The following NME2 variants were observed in gnomAD, a reference collection of about 807,000 sequenced individuals.
The protein encoded by NME2 is NME/NM23 nucleoside diphosphate kinase 2.
In NME2, 18 loss-of-function variants were observed where a neutral mutation model predicts 17.8. The observed-to-expected ratio is 1.01, with a 90% confidence interval of 0.70 to 1.50. NME2 has a LOEUF of 1.50. Among genes scored for constraint, NME2 ranks in the 40% most tolerant of loss-of-function variants. NME2 has a pLI of 0.00. For missense variants in NME2, 161 were observed against 195.6 expected, an observed-to-expected ratio of 0.82 and a Z score of 1.05; for synonymous variants, 74 against 71.4, an observed-to-expected ratio of 1.04 and a Z score of -0.19.
chr17:51,170,585 T>C (rs944557583), intron 4 of NME2, among the ~76,000 whole-genome samples: 80 of 151,596 alleles, frequency 5.3e-4, no homozygotes, highest in African/African-American at 1.8e-3. Flanking sequence ...GTCAGGAGTT[T>C]GAGACCAGCC....
rs764372486 is a variant in NME2, at chr17:51,169,936, G to C, written c.229-1G>C. ...TATAAATCCATTTTCACACTTTCGA[G>C]GTCTGGGAGGGGCTGAACGTGGTGA... On this transcript the variant is annotated splice_acceptor_variant, in intron 3 of 4. Transcript: ENST00000512737. LOFTEE classifies it high-confidence loss of function. 6.2e-7 allele frequency: 1 copy of C among 1,613,482 alleles called. No homozygotes were observed. The highest frequency in any genetic ancestry group is 1.3e-5 in the African/African-American group (1 of 74,982).
chr17:51,171,347 A>G (rs2050064774), intron 4 of NME2, 140 bp from the exon 5 acceptor site: 1 of 617,362 alleles, frequency 1.6e-6, no homozygotes, highest in Middle Eastern at 3.8e-4. Context: ...TTAAAAGGAA[A>G]TGCTTTGGGG....
intron 2 of NME2, chr17:51,167,371 A>G (rs2049969279): frequency 7.6e-6 from 2 of 261,612 alleles, no homozygotes; most frequent in African/African-American, 2.4e-5. Flanking sequence ...CTCCTCCTTT[A>G]GCATAGGGTA....
At position 51,169,918 on chromosome 17, in the gene NME2, C is replaced by G; in HGVS notation, c.229-19C>G. The G allele has an allele frequency of 6.2e-7, 1 of 1,612,402 alleles. No individual in the cohort carries two copies. The highest frequency in any genetic ancestry group is 8.5e-7 in the Non-Finnish European group (1 of 1,179,070). On this transcript the variant is annotated intron_variant, in intron 3 of 4. Transcript: ENST00000512737. ...CTGAGTGGCAGGTCTGATTATAAAT[C>G]CATTTTCACACTTTCGAGGTCTGGG...
At chr17:51,168,093 GTA>G in intron 2 of NME2, 147 bp from the exon 3 acceptor site, 1 of 582,142 alleles carries the variant, frequency 1.7e-6, no homozygotes, top group Non-Finnish European at 3.0e-6. Flanking sequence ...TTATGTGTGT[GTA>G]TATGTGTGTA....
intron 2 of NME2, chr17:51,168,035 T>C (rs1769706523): frequency 2.9e-6 from 1 of 341,222 alleles, no homozygotes; most frequent in Admixed American, 4.7e-5. Context: ...ACAGTCTTTC[T>C]GTTAAAATGG....
intron 4 of NME2, among the ~76,000 whole-genome samples, chr17:51,170,916 G>A (rs1198739078): frequency 6.6e-6 from 1 of 152,156 alleles, no homozygotes; most frequent in Non-Finnish European, 1.5e-5. Context: ...GTGTGGAGAA[G>A]GGAAGCATTC....
chr17:51,166,966 C>T lies in NME2; in HGVS notation c.126+10C>T. The T allele has an allele frequency of 6.2e-7, 1 of 1,612,660 alleles. No individual in the cohort carries two copies. The highest frequency in any genetic ancestry group is 8.5e-7 in the Non-Finnish European group (1 of 1,179,416). On this transcript the variant is annotated intron_variant, in intron 2 of 4. Transcript: ENST00000512737. ...CATGAAGTTCCTCCGGGTAACTCGC[C>T]CCCGTCTCCCCTTCCCCGCTGCAGC...
At chr17:51,167,432 C>T (rs773888148) in intron 2 of NME2, 16 of 186,758 alleles carry the variant, frequency 8.6e-5, no homozygotes, top group Non-Finnish European at 1.6e-4. Flanking sequence ...AATCCCTACA[C>T]TTACGGGTAA....
rs2050072271 is a variant in NME2 at position 51,171,646 on chromosome 17, T to C, written c.*42T>C. On this transcript the variant is annotated 3_prime_UTR_variant, in exon 5 of 5. Transcript: ENST00000512737. ...CAGTCTCCTTCAGCACGGCGTGGTGTGTCCCTGGACACAGCTCTTCATTCC... is the reference window on the plus strand; with the variant it reads ...CAGTCTCCTTCAGCACGGCGTGGTGCGTCCCTGGACACAGCTCTTCATTCC... 3 of 1,463,278 alleles carry C rather than the reference T, an allele frequency of 2.1e-6. No individual in the cohort carries two copies. Among genetic ancestry groups the C allele is most frequent in the Non-Finnish European group, 2.9e-6 (3 of 1,045,330 alleles). The allele number at this position is 1,463,278 out of a possible 1,614,324, so 90.6% of individuals were successfully genotyped here.
chr17:51,171,631 C>T lies in NME2; in HGVS notation c.*27C>T, dbSNP rs1804018. On this transcript the variant is annotated 3_prime_UTR_variant, in exon 5 of 5. Coordinates refer to ENST00000512737, the MANE Select transcript of NME2 (RefSeq NM_002512.4). ...AGGTGGACACAACAGCAGTCTCCTT[C>T]AGCACGGCGTGGTGTGTCCCTGGAC... The T allele has an allele frequency of 6.4e-7, 1 of 1,556,936 alleles. No individual in the cohort carries two copies. The highest frequency in any genetic ancestry group is 8.9e-7 in the Non-Finnish European group (1 of 1,129,058).
intron 1 of NME2, 96 bp from the exon 2 acceptor site, chr17:51,166,731 C>A: frequency 1.6e-6 from 2 of 1,286,890 alleles, no homozygotes; most frequent in Non-Finnish European, 9.9e-7. Flanking sequence ...CGCGGCCGCG[C>A]GTGGTGGGGG....
Position 51,166,481 on chromosome 17 carries a change from G to C in NME2, c.-21G>C. On this transcript the variant is annotated 5_prime_UTR_variant, in exon 1 of 5. Transcript: ENST00000512737. ...TCTCCCAGCGCAGCGCCGCCGCCCGGCCCCTCCAGCTTCCCGGTAAGGCGG... is the reference window on the plus strand; with the variant it reads ...TCTCCCAGCGCAGCGCCGCCGCCCGCCCCCTCCAGCTTCCCGGTAAGGCGG... The C allele has an allele frequency of 6.1e-6, 1 of 164,152 alleles. No individual in the cohort carries two copies. Among genetic ancestry groups the C allele is most frequent in the Non-Finnish European group, 1.3e-5 (1 of 76,730 alleles). 10.2% of individuals were successfully genotyped at this position (164,152 alleles called of 1,614,324 possible).
chr17:51,168,666 G>C (rs1033090593), intron 3 of NME2, among the ~76,000 whole-genome samples: 1 of 139,564 alleles, frequency 7.2e-6, no homozygotes, highest in Non-Finnish European at 1.6e-5. Context: ...GCGAGACTCT[G>C]TCTCGACAAA....
At chr17:51,171,357 G>A (rs1386508169) in intron 4 of NME2, 130 bp from the exon 5 acceptor site, 5 of 648,866 alleles carry the variant, frequency 7.7e-6, no homozygotes, top group Admixed American at 2.7e-5. Context: ...ATGCTTTGGG[G>A]GTATAAATTG....
rs73351709 is a variant in NME2, at chr17:51,168,838, A to G, written c.228+495A>G. Among the ~76,000 whole-genome samples the G allele has an allele frequency of 7.1e-3, 1,048 of 148,134 alleles. 15 individuals carry two copies. Among genetic ancestry groups the G allele is most frequent in the African/African-American group, 0.025 (988 of 40,102 alleles). Reference sequence around the variant, plus strand: ...GGCGGGTGGATCACCTGAGGCCAGGAGTTAATCCCAGTTACTCAGGGGGCT... The same window carrying G: ...GGCGGGTGGATCACCTGAGGCCAGGGGTTAATCCCAGTTACTCAGGGGGCT... On this transcript the variant is annotated intron_variant, in intron 3 of 4. Coordinates refer to ENST00000512737, the MANE Select transcript of NME2 (RefSeq NM_002512.4).
chr17:51,168,317 A>G lies in NME2; in HGVS notation c.202A>G (p.Met68Val). The change falls in exon 3 of 5, where the codon ATG (methionine) becomes GTG (valine). Residue 68 changes from methionine to valine, a missense_variant. Coordinates refer to ENST00000512737, the MANE Select transcript of NME2 (RefSeq NM_002512.4). ...ATTCTTCCCTGGGCTGGTGAAGTAC[A>G]TGAACTCAGGGCCGGTTGTGGCCAT... ...RPFFPGLVKYMNSGPVVAMVW... is the reference protein window; with the variant it reads ...RPFFPGLVKYVNSGPVVAMVW... 6.2e-7 allele frequency: 1 copy of G among 1,614,016 alleles called. No homozygotes were observed. The highest frequency in any genetic ancestry group is 8.5e-7 in the Non-Finnish European group (1 of 1,179,922).
chr17:51,167,096 C>CG (rs1306797333), intron 2 of NME2, 140 bp downstream of exon 2: 10 of 1,527,380 alleles, frequency 6.5e-6, no homozygotes, highest in Non-Finnish European at 8.8e-6. Context: ...CCGCCCACGG[C>CG]GGCTTGGGCC....
chr17:51,171,706 T>C lies in NME2; in HGVS notation c.*102T>C. ...GAGGCAACAGGATTGATCATTCTTT[T>C]ATAGAGCATATTTGCCAATAAAGCT... On this transcript the variant is annotated 3_prime_UTR_variant, in exon 5 of 5. Transcript: ENST00000512737. 1 of 863,322 alleles carries C rather than the reference T, an allele frequency of 1.2e-6. No individual in the cohort carries two copies. The highest frequency in any genetic ancestry group is 2.5e-5 in the East Asian group (1 of 40,054). The allele number at this position is 863,322 out of a possible 1,614,324, so 53.5% of individuals were successfully genotyped here. A position where few individuals can be genotyped will look rare whatever the true frequency, so the allele number is the denominator to read the frequency against.
Sources: gnomAD v4.1 joint callset for allele counts (sites outside exome capture counted in the v4.1 genomes callset) on GRCh38, gnomAD v4.1.1 for gene constraint, MANE v1.5 for transcripts, NCBI Gene and HGNC (gene_info 2026-07-23, HGNC 2026-07-21) for gene names.